PLEKHA5: variants seen among roughly 807,000 people sequenced by gnomAD.
PLEKHA5 encodes the protein pleckstrin homology domain-containing family A member 5.
In PLEKHA5, 55 loss-of-function variants were observed where a neutral mutation model predicts 181.9. The ratio of observed to expected loss-of-function variants is 0.30; its 90% CI spans 0.24 to 0.38. The LOEUF (loss-of-function observed/expected upper bound fraction) is 0.38, where lower values mean the gene tolerates loss of function less well. Among genes scored for constraint, PLEKHA5 ranks in the 10% least tolerant of loss-of-function variants. The pLI, the probability that PLEKHA5 is intolerant of heterozygous loss-of-function variation, is 1.00. For missense variants in PLEKHA5, 1,432 were observed against 1,549.5 expected, an observed-to-expected ratio of 0.92 and a Z score of 1.27; for synonymous variants, 535 against 529.4, an observed-to-expected ratio of 1.01 and a Z score of -0.15.
chr12:19,170,807 CT>C (rs2045727900), intron 3 of PLEKHA5, among the ~76,000 whole-genome samples: 1 of 152,144 alleles, frequency 6.6e-6, no homozygotes, highest in Non-Finnish European at 1.5e-5. Flanking sequence ...TTCTTACATA[CT>C]TTGGTTCAAA....
At position 19,375,721 on chromosome 12, in the gene PLEKHA5, G is replaced by C. The variant is rs911596177; in HGVS notation, c.*202G>C. 1.3e-5 allele frequency: 2 copies of C among 152,474 alleles called. No individual in the cohort carries two copies. Among genetic ancestry groups the C allele is most frequent in the Non-Finnish European group, 2.9e-5 (2 of 68,034 alleles). The allele number at this position is 152,474 out of a possible 1,614,324, so 9.4% of individuals were successfully genotyped here. ...CTTTAATGGCCCATATGTACACTTCGTAATCTCAAGGTTATTATTCTGACA... is the reference window on the plus strand; with the variant it reads ...CTTTAATGGCCCATATGTACACTTCCTAATCTCAAGGTTATTATTCTGACA... On this transcript the variant is annotated 3_prime_UTR_variant, in exon 32 of 32. Coordinates refer to ENST00000429027, the MANE Select transcript of PLEKHA5 (RefSeq NM_001256470.2).
chr12:19,217,554 T>C (rs1244071065), intron 3 of PLEKHA5, among the ~76,000 whole-genome samples: 2 of 152,102 alleles, frequency 1.3e-5, no homozygotes, highest in Non-Finnish European at 2.9e-5. Context: ...TCAACAGGTA[T>C]GAATAAAAAT....
At chr12:19,178,532 T>C (rs1318880657) in intron 3 of PLEKHA5, among the ~76,000 whole-genome samples, 1 of 152,190 alleles carries the variant, frequency 6.6e-6, no homozygotes, top group East Asian at 1.9e-4. Flanking sequence ...ATAACATTGA[T>C]AAAATGAAAT....
At chr12:19,352,903 C>T in intron 25 of PLEKHA5, among the ~76,000 whole-genome samples, 1 of 150,502 alleles carries the variant, frequency 6.6e-6, no homozygotes, top group Non-Finnish European at 1.5e-5. Flanking sequence ...TCACCTCAGC[C>T]TCCTGAGTAG....
chr12:19,155,708 A>C (rs1309039563), intron 3 of PLEKHA5, among the ~76,000 whole-genome samples: 1 of 152,202 alleles, frequency 6.6e-6, no homozygotes, highest in Admixed American at 6.5e-5. Flanking sequence ...TTAGGTGACA[A>C]GGTTCTTACT....
chr12:19,341,660 C>CAA (rs2093939000), intron 21 of PLEKHA5, among the ~76,000 whole-genome samples: 1 of 151,764 alleles, frequency 6.6e-6, no homozygotes, highest in African/African-American at 2.4e-5. Flanking sequence ...ATAGACTTTT[C>CAA]TTGAGTTTTT....
At chr12:19,307,580 TAGG>T in intron 15 of PLEKHA5, 5 of 325,672 alleles carry the variant, frequency 1.5e-5, no homozygotes, top group South Asian at 7.2e-5. Flanking sequence ...GATCACATTC[TAGG>T]AGGAGGAGGA....
chr12:19,232,863 T>C (rs2060841070), intron 3 of PLEKHA5, among the ~76,000 whole-genome samples: 1 of 152,216 alleles, frequency 6.6e-6, no homozygotes, highest in East Asian at 1.9e-4. Context: ...AGACTGACAT[T>C]GTGTTTAGAA....
chr12:19,326,940 C>T (rs988030162), intron 20 of PLEKHA5, among the ~76,000 whole-genome samples: 1 of 152,144 alleles, frequency 6.6e-6, no homozygotes, highest in African/African-American at 2.4e-5. Flanking sequence ...TATATATGTA[C>T]CACATTTTCT....
chr12:19,343,392 G>A lies in PLEKHA5; in HGVS notation c.2620G>A (p.Gly874Arg). 1 of 1,613,164 alleles carries A rather than the reference G, an allele frequency of 6.2e-7. No homozygotes were observed. Among genetic ancestry groups the A allele is most frequent in the Non-Finnish European group, 8.5e-7 (1 of 1,179,220 alleles). ...ELWRIQDVME[G>R]LSKHKQQRGT... ...TTGGCGAATTCAGGATGTCATGGAA[G>A]GGCTGAGTAAACATAAGCAGCAAAG... Residue 874 changes from glycine (G) to arginine (R), a missense_variant, in exon 22 of 32, where the codon GGG becomes AGG. Physicochemically the swap from Gly to Arg is moderately radical, Grantham distance 125 (BLOSUM62 -2). Coordinates refer to ENST00000429027, the MANE Select transcript of PLEKHA5 (RefSeq NM_001256470.2).
intron 15 of PLEKHA5, chr12:19,306,302 A>G (rs894935508): frequency 3.2e-5 from 12 of 371,588 alleles, no homozygotes; most frequent in African/African-American, 2.5e-4. Flanking sequence ...AGAGTTAATT[A>G]TGAAAATTGT....
intron 15 of PLEKHA5, chr12:19,307,667 A>G (rs749771290): frequency 5.8e-5 from 19 of 330,204 alleles, no homozygotes; most frequent in African/African-American, 3.8e-4. Flanking sequence ...GTCGTTGATG[A>G]TTCAAAAGCC....
chr12:19,330,131 T>G (rs1002704599), intron 20 of PLEKHA5, among the ~76,000 whole-genome samples: 2 of 152,242 alleles, frequency 1.3e-5, no homozygotes, highest in Admixed American at 1.3e-4. Flanking sequence ...AATCTTCCCC[T>G]GTGTGCTAGC....
At chr12:19,289,787 TAAAA>T (rs2078004418) in intron 13 of PLEKHA5, among the ~76,000 whole-genome samples, 1 of 151,972 alleles carries the variant, frequency 6.6e-6, no homozygotes, top group Non-Finnish European at 1.5e-5. Context: ...TCTTAAAAAA[TAAAA>T]CTGATCTTTT....
At chr12:19,135,303 G>T (rs2035288586) in intron 3 of PLEKHA5, among the ~76,000 whole-genome samples, 1 of 152,114 alleles carries the variant, frequency 6.6e-6, no homozygotes, top group South Asian at 2.1e-4. Flanking sequence ...TTGTAGTGGG[G>T]AAGTCATAGG....
At chr12:19,357,402 G>A (rs911638112) in intron 26 of PLEKHA5, among the ~76,000 whole-genome samples, 17 of 150,218 alleles carry the variant, frequency 1.1e-4, no homozygotes, top group African/African-American at 3.9e-4. Context: ...GAGCCACCAT[G>A]CCTGGCTAAA....
chr12:19,304,671 TC>T (rs1431574514), intron 15 of PLEKHA5, among the ~76,000 whole-genome samples: 1 of 151,786 alleles, frequency 6.6e-6, no homozygotes, highest in Non-Finnish European at 1.5e-5. Context: ...AGGCTGTCTT[TC>T]CCCCAGTCCC....
chr12:19,145,789 T>C (rs370902367), intron 3 of PLEKHA5, among the ~76,000 whole-genome samples: 4 of 152,182 alleles, frequency 2.6e-5, no homozygotes, highest in South Asian at 4.1e-4. Context: ...AAAACAACTA[T>C]TTAGATGTGG....
At chr12:19,267,070 G>A (rs1167281356) in intron 8 of PLEKHA5, among the ~76,000 whole-genome samples, 1 of 151,984 alleles carries the variant, frequency 6.6e-6, no homozygotes, top group African/African-American at 2.4e-5. Context: ...TCAAGTAAGA[G>A]GTCTTCAATG....
Sources: gnomAD v4.1 joint callset for allele counts (sites outside exome capture counted in the v4.1 genomes callset) on GRCh38, gnomAD v4.1.1 for gene constraint, MANE v1.5 for transcripts, NCBI Gene and HGNC (gene_info 2026-07-23, HGNC 2026-07-21) for gene names.